ELK3: variants seen among roughly 807,000 people sequenced by gnomAD.
The protein encoded by ELK3 is ETS domain-containing protein Elk-3.
A neutral mutation model predicts 28.9 loss-of-function variants in ELK3; 10 were observed. The observed-to-expected ratio is 0.35, with a 90% CI of 0.21 to 0.59. The LOEUF is 0.59. Among genes scored for constraint, ELK3 ranks in the 20% least tolerant of loss-of-function variants. ELK3 has a pLI of 0.82. For synonymous variants in ELK3, 272 were observed against 243.5 expected (o/e 1.12, Z -1.09); for missense variants, 463 against 517.3 (o/e 0.90, Z 1.02).
intron 2 of ELK3, among the ~76,000 whole-genome samples, chr12:96,240,996 G>A (rs111426376): frequency 2.0e-5 from 3 of 152,204 alleles, no homozygotes; most frequent in Non-Finnish European, 2.9e-5. Context: ...AAGCTCTCAC[G>A]GGAGGTGTGA....
chr12:96,211,795 T>A (rs1951581415), intron 1 of ELK3, among the ~76,000 whole-genome samples: 1 of 152,216 alleles, frequency 6.6e-6, no homozygotes, highest in South Asian at 2.1e-4. Flanking sequence ...AAATAACTTG[T>A]GCTTTTCCAT....
intron 1 of ELK3, among the ~76,000 whole-genome samples, chr12:96,203,609 A>G (rs966130853): frequency 4.6e-5 from 7 of 152,158 alleles, no homozygotes; most frequent in African/African-American, 1.2e-4. Flanking sequence ...TTTCTAGACA[A>G]TGAGTTACTT....
intron 2 of ELK3, among the ~76,000 whole-genome samples, chr12:96,229,697 A>G (rs1951727895): frequency 6.6e-6 from 1 of 151,640 alleles, no homozygotes. Flanking sequence ...ACACCTGGCG[A>G]ATTTTTGTGT....
chr12:96,256,400 T>C (rs1011644896), intron 3 of ELK3, among the ~76,000 whole-genome samples: 2 of 152,184 alleles, frequency 1.3e-5, no homozygotes, highest in African/African-American at 2.4e-5. Context: ...TCAGTATTTA[T>C]TGAGGCAGTG....
rs1413767335 is a variant in ELK3, at chr12:96,247,745, T to C, written c.1002+11T>C. On this transcript the variant is annotated intron_variant, in intron 3 of 4. Transcript: ENST00000228741. The surrounding 1 kb of genome is among the most constrained non-coding windows in gnomAD (Gnocchi z 5.5). ...TTCTTCACCGCACAGGTAAGAGTCA[T>C]TCCTGTCATCTAAGCCACAGCCAGC... 24 of 1,523,512 alleles carry C rather than the reference T, an allele frequency of 1.6e-5. No homozygotes were observed. The highest frequency in any genetic ancestry group is 2.1e-5 in the Non-Finnish European group (24 of 1,138,770). The allele number at this position is 1,523,512 out of a possible 1,614,324, so 94.4% of individuals were successfully genotyped here.
chr12:96,236,180 C>G (rs1951781690), intron 2 of ELK3, among the ~76,000 whole-genome samples: 1 of 152,028 alleles, frequency 6.6e-6, no homozygotes, highest in Non-Finnish European at 1.5e-5. Context: ...ATAAAAGTAC[C>G]CTTGAGTGTT....
chr12:96,246,461 C>T (rs899324761), intron 2 of ELK3, among the ~76,000 whole-genome samples: 11 of 152,056 alleles, frequency 7.2e-5, no homozygotes, highest in South Asian at 2.1e-4. Flanking sequence ...TTGAGACCAG[C>T]CTGAGCAACC....
intron 1 of ELK3, among the ~76,000 whole-genome samples, chr12:96,197,601 G>A (rs1476218630): frequency 1.3e-5 from 2 of 152,090 alleles, no homozygotes; most frequent in Non-Finnish European, 2.9e-5. Context: ...TTGTGATGGT[G>A]TACCCTTTAT....
rs540824310 is a variant in ELK3 at position 96,266,974 on chromosome 12, G to T, written c.1126-108G>T. On this transcript the variant is annotated intron_variant, in intron 4 of 4. Coordinates refer to ENST00000228741, the MANE Select transcript of ELK3 (RefSeq NM_005230.4). Reference sequence around the variant, plus strand: ...CATTGGCAACTAATCTCTATCACAGGGGTGATGAGAGAAATGGACTGCTAT... The same window carrying T: ...CATTGGCAACTAATCTCTATCACAGTGGTGATGAGAGAAATGGACTGCTAT... 86 of 753,846 alleles carry T rather than the reference G, an allele frequency of 1.1e-4. 4 individuals carry two copies. In the South Asian group the frequency reaches 2.2e-3, roughly 19 times the overall value. The allele number at this position is 753,846 out of a possible 1,614,324, so 46.7% of individuals were successfully genotyped here.
At chr12:96,214,320 A>G (rs561615699) in intron 1 of ELK3, among the ~76,000 whole-genome samples, 63 of 152,144 alleles carry the variant, frequency 4.1e-4, no homozygotes, top group African/African-American at 1.5e-3. Context: ...AGTCCCAGCT[A>G]CTCGGGAGGC....
intron 1 of ELK3, among the ~76,000 whole-genome samples, chr12:96,210,561 G>GCGCGCACA (rs1555193024): frequency 9.0e-5 from 13 of 144,848 alleles, no homozygotes; most frequent in East Asian, 2.1e-4. Context: ...GCGCGCGGGC[G>GCGCGCACA]CACGCACACA....
intron 1 of ELK3, among the ~76,000 whole-genome samples, chr12:96,220,451 G>A (rs1476660805): frequency 6.9e-6 from 1 of 144,808 alleles, no homozygotes; most frequent in African/African-American, 2.6e-5. Context: ...GCAGTGGCGC[G>A]ATCTTGGCTT....
At chr12:96,197,948 T>C (rs995635273) in intron 1 of ELK3, 1 of 152,228 alleles carries the variant, frequency 6.6e-6, no homozygotes, top group Non-Finnish European at 1.5e-5. Context: ...AATTAAAATA[T>C]TCCCTTCTTA....
At chr12:96,235,803 G>C (rs913067685) in intron 2 of ELK3, among the ~76,000 whole-genome samples, 3 of 152,176 alleles carry the variant, frequency 2.0e-5, no homozygotes, top group Middle Eastern at 3.4e-3. Flanking sequence ...ACTTGCACTG[G>C]GGAGCAGTTT....
intron 2 of ELK3, among the ~76,000 whole-genome samples, chr12:96,232,652 G>C (rs934717072): frequency 6.6e-6 from 1 of 151,986 alleles, no homozygotes. Flanking sequence ...GCTCACACCT[G>C]TAATCCCAGT....
chr12:96,215,685 G>GA (rs1412394391), intron 1 of ELK3, among the ~76,000 whole-genome samples: 1 of 148,750 alleles, frequency 6.7e-6, no homozygotes, highest in Non-Finnish European at 1.5e-5. Flanking sequence ...ACCCAGGCTG[G>GA]AGTGCAGTGG....
At chr12:96,260,244 A>C (rs1951983110) in intron 4 of ELK3, among the ~76,000 whole-genome samples, 1 of 152,186 alleles carries the variant, frequency 6.6e-6, no homozygotes, top group Admixed American at 6.5e-5. Context: ...CAGGAGTTTG[A>C]GACCAGCCTG....
intron 3 of ELK3, among the ~76,000 whole-genome samples, chr12:96,250,819 G>A (rs1951899429): frequency 6.6e-6 from 1 of 152,122 alleles, no homozygotes; most frequent in Non-Finnish European, 1.5e-5. Context: ...CTTTGGAAGA[G>A]GTGAAAGCTG....
intron 1 of ELK3, among the ~76,000 whole-genome samples, chr12:96,219,751 T>C (rs535126624): frequency 6.6e-6 from 1 of 152,234 alleles, no homozygotes; most frequent in Admixed American, 6.5e-5. Context: ...GTGACTGATC[T>C]TTGTAGATGC....
Sources: allele counts gnomAD v4.1 joint callset (sites outside exome capture counted in the v4.1 genomes callset), GRCh38; gene constraint gnomAD v4.1.1; non-coding constraint Gnocchi (gnomAD v3.1); transcripts MANE v1.5; gene names NCBI Gene and HGNC (gene_info 2026-07-23, HGNC 2026-07-21).